TASP1: variants seen among roughly 807,000 people sequenced by gnomAD.
The protein encoded by TASP1 is threonine aspartase 1.
Under a neutral mutation model 56.6 loss-of-function variants are expected in TASP1, and 16 were observed. The observed-to-expected ratio is 0.28, with a 90% confidence interval of 0.19 to 0.43. TASP1 has a LOEUF of 0.43. Among genes scored for constraint, TASP1 ranks in the 20% least tolerant of loss-of-function variants. The pLI is 1.00. For synonymous variants in TASP1, 179 were observed against 184.2 expected (o/e 0.97, Z 0.23); for missense variants, 393 against 511.6 (o/e 0.77, Z 2.24).
chr20:13,264,653 T>C, the TASP1 span, among the ~76,000 whole-genome samples: 1 of 152,208 alleles, frequency 6.6e-6, no homozygotes, highest in Non-Finnish European at 1.5e-5. Flanking sequence ...CCATCCACCT[T>C]GGTCACAAAC....
At chr20:13,567,156 A>T (rs2046559029) in intron 7 of TASP1, among the ~76,000 whole-genome samples, 1 of 152,170 alleles carries the variant, frequency 6.6e-6, no homozygotes, top group African/African-American at 2.4e-5. Context: ...CATTATCCTT[A>T]GCAAACTAAC....
At chr20:13,550,175 C>CACAT (rs1568571181) in intron 8 of TASP1, among the ~76,000 whole-genome samples, 1 of 151,316 alleles carries the variant, frequency 6.6e-6, no homozygotes, top group Non-Finnish European at 1.5e-5. Context: ...CACACACACA[C>CACAT]ACACACACAC....
chr20:13,557,226 C>T (rs6134909), intron 8 of TASP1, among the ~76,000 whole-genome samples: 30,456 of 151,960 alleles, frequency 0.2, 3,299 homozygotes, highest in Middle Eastern at 0.28. Context: ...AACAGGAAAA[C>T]GGATAAACAA....
At chr20:13,326,319 A>C in the TASP1 span, among the ~76,000 whole-genome samples, 3 of 152,298 alleles carry the variant, frequency 2.0e-5, no homozygotes, top group African/African-American at 7.2e-5. Context: ...TCATTTCTCT[A>C]GGGTAAATAC....
the TASP1 span, among the ~76,000 whole-genome samples, chr20:13,214,229 G>A: frequency 6.6e-6 from 1 of 152,240 alleles, no homozygotes; most frequent in East Asian, 1.9e-4. Context: ...GAGGTGAAAG[G>A]TTGTATTTAG....
chr20:13,403,152 T>C (rs542113384), intron 13 of TASP1, among the ~76,000 whole-genome samples: 11 of 152,344 alleles, frequency 7.2e-5, no homozygotes, highest in African/African-American at 2.4e-4. Context: ...CAATTTTTTT[T>C]TCCTGTTCTG....
chr20:13,629,818 T>A, intron 2 of TASP1, 116 bp downstream of exon 2: 2 of 1,482,972 alleles, frequency 1.3e-6, no homozygotes, highest in Non-Finnish European at 1.9e-6. Flanking sequence ...TTGCTTCCAA[T>A]TCCTCTCTGG....
intron 1 of TASP1, among the ~76,000 whole-genome samples, chr20:13,630,847 T>C (rs2049061642): frequency 6.6e-6 from 1 of 152,088 alleles, no homozygotes; most frequent in Admixed American, 6.5e-5. Flanking sequence ...AAGAGAGTAT[T>C]ATTTTATTCA....
the TASP1 span, among the ~76,000 whole-genome samples, chr20:13,197,922 T>A: frequency 1.3e-5 from 2 of 152,288 alleles, no homozygotes; most frequent in Non-Finnish European, 2.9e-5. Flanking sequence ...TTTGTTAAAA[T>A]GAATAAAAAA....
chr20:13,139,373 TG>T, the TASP1 span, among the ~76,000 whole-genome samples: 1 of 152,218 alleles, frequency 6.6e-6, no homozygotes, highest in Non-Finnish European at 1.5e-5. Context: ...AACAAAACTG[TG>T]GCTTAACACA....
At chr20:13,273,801 A>C in the TASP1 span, among the ~76,000 whole-genome samples, 3 of 152,212 alleles carry the variant, frequency 2.0e-5, no homozygotes, top group African/African-American at 7.2e-5. Flanking sequence ...CCTACTGCCC[A>C]GTCAAGTTAT....
At chr20:13,481,756 T>A (rs1463417642) in intron 11 of TASP1, among the ~76,000 whole-genome samples, 1 of 152,232 alleles carries the variant, frequency 6.6e-6, no homozygotes, top group Non-Finnish European at 1.5e-5. Context: ...TTTGCCCATT[T>A]TTTGATCAGA....
At chr20:13,620,824 T>A (rs539017571) in intron 4 of TASP1, among the ~76,000 whole-genome samples, 8 of 152,344 alleles carry the variant, frequency 5.3e-5, no homozygotes, top group South Asian at 2.1e-4. Flanking sequence ...TTTCTCTAAG[T>A]ACAGCAAATA....
At chr20:13,417,150 C>T (rs1467655341) in intron 13 of TASP1, among the ~76,000 whole-genome samples, 2 of 152,302 alleles carry the variant, frequency 1.3e-5, no homozygotes, top group Middle Eastern at 3.4e-3. Context: ...TTCCCAAACC[C>T]CAGTTTCCTC....
intron 11 of TASP1, among the ~76,000 whole-genome samples, chr20:13,464,560 T>C (rs2044177180): frequency 6.6e-6 from 1 of 152,154 alleles, no homozygotes; most frequent in African/African-American, 2.4e-5. Flanking sequence ...TGCAATAAGA[T>C]ATTTAGAAAT....
chr20:13,234,198 T>C, the TASP1 span, among the ~76,000 whole-genome samples: 1 of 152,178 alleles, frequency 6.6e-6, no homozygotes, highest in Non-Finnish European at 1.5e-5. Flanking sequence ...CCCCCACTTA[T>C]AAGGGAGAAC....
chr20:13,387,388 G>T (rs931323906), downstream of TASP1, among the ~76,000 whole-genome samples: 7 of 151,844 alleles, frequency 4.6e-5, no homozygotes, highest in African/African-American at 7.3e-5. Context: ...TAGAGATGGG[G>T]TTTCACCATG....
At chr20:13,551,045 T>A (rs956132128) in intron 8 of TASP1, among the ~76,000 whole-genome samples, 6 of 152,176 alleles carry the variant, frequency 3.9e-5, no homozygotes, top group African/African-American at 1.4e-4. Context: ...AATATATTTA[T>A]ATGAAGGGTA....
At chr20:13,175,295 A>G in the TASP1 span, among the ~76,000 whole-genome samples, 1 of 152,220 alleles carries the variant, frequency 6.6e-6, no homozygotes, top group Non-Finnish European at 1.5e-5. Context: ...CTTTAAATGT[A>G]GGACTGAGCC....
Sources: allele counts gnomAD v4.1 joint callset (sites outside exome capture counted in the v4.1 genomes callset), GRCh38; gene constraint gnomAD v4.1.1; transcripts MANE v1.5; gene names NCBI Gene and HGNC (gene_info 2026-07-23, HGNC 2026-07-21).